COL3A1: variants seen among roughly 807,000 people sequenced by gnomAD.
The protein encoded by COL3A1 is collagen alpha-1(III) chain.
COL3A1 carries 46 observed loss-of-function variants against 200.9 expected under a neutral mutation model. That is an observed-to-expected ratio of 0.23 (90% CI 0.18 to 0.29). The LOEUF is 0.29. COL3A1 is among the 10% of genes least tolerant of loss of function. The pLI is 1.00. For synonymous variants in COL3A1, 650 were observed against 628.0 expected (o/e 1.03, Z -0.52); for missense variants, 1,367 against 1,917.6 (o/e 0.71, Z 5.36).
chr2:188,980,789 A>G (rs1914037), intron 1 of COL3A1, among the ~76,000 whole-genome samples: 52,579 of 150,792 alleles, frequency 0.35, 10,015 homozygotes, highest in African/African-American at 0.51. Context: ...TTTCCAAACA[A>G]TATCATTTAA....
chr2:189,003,113 T>G (rs923233468), intron 36 of COL3A1, 51 bp downstream of exon 36: 13 of 1,385,328 alleles, frequency 9.4e-6, no homozygotes, highest in East Asian at 5.0e-5. Flanking sequence ...TATCTATCTA[T>G]TGATTATCTG....
In COL3A1 at chr2:189,010,245, A is replaced by T. The variant is rs781206935; in HGVS notation, c.3891A>T (p.Glu1297Asp). The part of the protein sequence containing the change: ...LDAIKVFCNM[E>D]TGETCISANP... Reference sequence around the variant, plus strand: ...CTATCAAGGTATTCTGTAATATGGAAACTGGGGAAACATGCATAAGTGCCA... The same window carrying T: ...CTATCAAGGTATTCTGTAATATGGATACTGGGGAAACATGCATAAGTGCCA... Residue 1297 changes from glutamate to aspartate, a missense_variant, in exon 49 of 51, where the codon GAA becomes GAT. Glu to Asp is a conservative substitution (Grantham distance 45). Around this residue, in one of 5 missense-constraint regions of COL3A1, gnomAD observed 846 missense variants for 1,147.9 expected, o/e 0.74. Coordinates refer to ENST00000304636, the MANE Select transcript of COL3A1 (RefSeq NM_000090.4). The T allele has an allele frequency of 4.3e-6, 7 of 1,614,200 alleles. No individual in the cohort carries two copies. The highest frequency in any genetic ancestry group is 5.9e-6 in the Non-Finnish European group (7 of 1,180,016).
intron 37 of COL3A1, 43 bp from the exon 38 acceptor site, chr2:189,003,691 T>C: frequency 6.3e-7 from 1 of 1,595,516 alleles, no homozygotes; most frequent in Non-Finnish European, 8.6e-7. Context: ...GTACAGTTAT[T>C]TGTTCTACTT....
In COL3A1 at chr2:189,008,968, T is replaced by C. The variant is rs1688657949; in HGVS notation, c.3570T>C (p.Pro1190=). ...HPGQPGPPGP[P]GAPGPCCGGV... ...GGCAACCAGGCCCTCCTGGACCTCC[T>C]GGTGCCCCTGGTCCTTGCTGTGGTG... The change falls in exon 48 of 51, where the codon CCT becomes CCC. Residue 1190 remains proline, a synonymous_variant. Transcript: ENST00000304636. 5 of 1,614,180 alleles carry C rather than the reference T, an allele frequency of 3.1e-6. No homozygotes were observed. The African/African-American group carries it at 6.7e-5, about 22-fold the overall frequency.
rs41272799 is a variant in COL3A1, at chr2:188,988,146, C to T, written c.582+12C>T. The T allele has an allele frequency of 5.0e-6, 8 of 1,608,874 alleles. No individual in the cohort carries two copies. In the Admixed American group the frequency reaches 1.0e-4, roughly 20 times the overall value. ...ATCCTGGTTCCCCTGTAAGTATAGC[C>T]ATTGGTGGTGTTTTCTTCCTCATTT... On this transcript the variant is annotated intron_variant, in intron 6 of 50. Transcript: ENST00000304636.
At chr2:188,996,303 T>TAA in intron 23 of COL3A1, 95 bp from the exon 24 acceptor site, 1 of 775,120 alleles carries the variant, frequency 1.3e-6, no homozygotes, top group Non-Finnish European at 2.1e-6. Flanking sequence ...TATCTATATA[T>TAA]ATACACACAC....
At chr2:188,988,886 G>C (rs1373966460) in intron 7 of COL3A1, among the ~76,000 whole-genome samples, 2 of 151,812 alleles carry the variant, frequency 1.3e-5, no homozygotes, top group East Asian at 1.9e-4. Flanking sequence ...TCCCAGAGCT[G>C]ATAAAAATTC....
Position 188,994,944 on chromosome 2 carries a change from T to C in COL3A1, c.1456-102T>C. On this transcript the variant is annotated intron_variant, in intron 20 of 50. Coordinates refer to ENST00000304636, the MANE Select transcript of COL3A1 (RefSeq NM_000090.4). This position sits in a 1 kb window ranked among gnomAD's most constrained non-coding sequence, Gnocchi z 4.5. ...TTAAGTTGAGTGTTCAGTGAAAATA[T>C]TGTTTAAAGCATTCTATGACATAAA... 6.4e-7 allele frequency: 1 copy of C among 1,551,394 alleles called. No homozygotes were observed. The highest frequency in any genetic ancestry group is 8.9e-7 in the Non-Finnish European group (1 of 1,123,524).
chr2:189,004,065 C>T lies in COL3A1; in HGVS notation c.2745C>T (p.Gly915=), dbSNP rs745940162. ...CTGCGGGTAACACTGGTGCTCCTGG[C>T]AGCCCTGGAGTGTCTGGACCAAAAG... ...PGPAGNTGAP[G]SPGVSGPKGD... is the part of the protein sequence containing the mutation. The change falls in exon 39 of 51, where the codon GGC becomes GGT. Residue 915 remains glycine, a synonymous_variant. Transcript: ENST00000304636. 5 of 1,613,318 alleles carry T rather than the reference C, an allele frequency of 3.1e-6. No individual in the cohort carries two copies. Among genetic ancestry groups the T allele is most frequent in the Non-Finnish European group, 1.7e-6 (2 of 1,179,958 alleles).
At chr2:188,981,088 T>TA (rs1559051354) in intron 1 of COL3A1, among the ~76,000 whole-genome samples, 1 of 151,436 alleles carries the variant, frequency 6.6e-6, no homozygotes, top group Admixed American at 6.6e-5. Context: ...AAACATAACA[T>TA]TCATTTTTTG....
In COL3A1 at chr2:188,995,643, G is replaced by A. The variant is rs538447544; in HGVS notation, c.1510-49G>A. On this transcript the variant is annotated intron_variant, in intron 21 of 50. Transcript: ENST00000304636. Reference sequence around the variant, plus strand: ...GTAACCAAAATATTGTTGCTATCTAGGTTAGTGAAGGCTATTTTAATTTTT... The same window carrying A: ...GTAACCAAAATATTGTTGCTATCTAAGTTAGTGAAGGCTATTTTAATTTTT... 4.7e-6 allele frequency: 6 copies of A among 1,273,386 alleles called. No homozygotes were observed. In the African/African-American group the frequency reaches 5.9e-5, roughly 13 times the overall value. 78.9% of individuals were successfully genotyped at this position (1,273,386 alleles called of 1,614,324 possible). A position where few individuals can be genotyped will look rare whatever the true frequency, so the allele number is the denominator to read the frequency against.
intron 26 of COL3A1, 123 bp from the exon 27 acceptor site, chr2:188,997,577 C>A: frequency 8.4e-7 from 1 of 1,184,760 alleles, no homozygotes; most frequent in Non-Finnish European, 1.2e-6. Flanking sequence ...TGCTTTGGGT[C>A]CAGGTCCTCC....
In COL3A1 at chr2:189,010,291, A is replaced by C. The variant is rs886038983; in HGVS notation, c.3937A>C (p.Lys1313Gln). 6.8e-6 allele frequency: 11 copies of C among 1,614,086 alleles called. No individual in the cohort carries two copies. Among genetic ancestry groups the C allele is most frequent in the Non-Finnish European group, 9.3e-6 (11 of 1,180,010 alleles). The part of the protein sequence containing the change: ...ISANPLNVPR[K>Q]HWWTDSSAEK... The stretch of plus-strand genomic sequence containing the variant: ...TGCCAATCCTTTGAATGTTCCACGG[A>C]AACACTGGTGGACAGATTCTAGTGC... Residue 1313 changes from lysine (K) to glutamine (Q), a missense_variant, in exon 49 of 51, where the codon AAA becomes CAA. Lys to Gln is a moderately conservative substitution (Grantham distance 53, BLOSUM62 1). Around this residue, in one of 5 missense-constraint regions of COL3A1, gnomAD observed 846 missense variants for 1,147.9 expected, o/e 0.74. Coordinates refer to ENST00000304636, the MANE Select transcript of COL3A1 (RefSeq NM_000090.4).
Position 189,010,722 on chromosome 2 carries a change from C to T in COL3A1, c.4086C>T (p.Ser1362=), listed in dbSNP as rs779774302. Residue 1362 remains serine (S), a synonymous_variant, in exon 50 of 51, where the codon AGC becomes AGT. Coordinates refer to ENST00000304636, the MANE Select transcript of COL3A1 (RefSeq NM_000090.4). The part of the protein sequence containing the change: ...VHLAFLRLLS[S]RASQNITYHC... The stretch of plus-strand genomic sequence containing the variant: ...TGGCATTCCTTCGACTTCTCTCCAG[C>T]CGAGCTTCCCAGAACATCACATATC... 51 of 1,614,002 alleles carry T rather than the reference C, an allele frequency of 3.2e-5. No individual in the cohort carries two copies. In the African/African-American group the frequency reaches 4.8e-4, roughly 15 times the overall value.
At position 188,993,381 on chromosome 2, in the gene COL3A1, G is replaced by C. The variant is rs373908002; in HGVS notation, c.1071G>C (p.Gly357=). ...PGAKGEVGPA[G]SPGSNGAPGQ... ...ATTAGGGTGAAGTTGGACCTGCAGG[G>C]TCTCCTGGTTCAAATGGTGCCCCTG... Residue 357 remains glycine (G), a synonymous_variant, in exon 16 of 51, where the codon GGG becomes GGC. Coordinates refer to ENST00000304636, the MANE Select transcript of COL3A1 (RefSeq NM_000090.4). 15 of 1,570,664 alleles carry C rather than the reference G, an allele frequency of 9.6e-6. No individual in the cohort carries two copies. In the South Asian group the frequency reaches 1.8e-4, roughly 18 times the overall value.
At chr2:188,992,639 G>A (rs574909467) in intron 14 of COL3A1, among the ~76,000 whole-genome samples, 2 of 152,132 alleles carry the variant, frequency 1.3e-5, no homozygotes, top group South Asian at 4.2e-4. Context: ...AAAAGCCCAG[G>A]GAAAAGTAGC....
At position 188,994,019 on chromosome 2, in the gene COL3A1, C is replaced by T. The variant is rs1259944548; in HGVS notation, c.1150-19C>T. On this transcript the variant is annotated intron_variant, in intron 16 of 50. Coordinates refer to ENST00000304636, the MANE Select transcript of COL3A1 (RefSeq NM_000090.4). This position sits in a 1 kb window ranked among gnomAD's most constrained non-coding sequence, Gnocchi z 4.5. ...ATTTGCATTACTATTAATACATTAT[C>T]TGTTTTTTGTATACTTAGGGCCCTC... 2.7e-5 allele frequency: 44 copies of T among 1,610,790 alleles called. No homozygotes were observed. Among genetic ancestry groups the T allele is most frequent in the Non-Finnish European group, 3.7e-5 (43 of 1,177,300 alleles).
Position 188,995,104 on chromosome 2 carries a change from A to G in COL3A1, c.1509+5A>G, listed in dbSNP as rs572863064. 78 of 1,613,996 alleles carry G rather than the reference A, an allele frequency of 4.8e-5. 1 individual carries two copies. The South Asian group carries it at 8.1e-4, about 17-fold the overall frequency. On this transcript the variant is annotated splice_donor_5th_base_variant and intron_variant, in intron 21 of 50. Transcript: ENST00000304636. ...AATGGCATCCCAGGAGAAAAGGTAG[A>G]TAACTTTAGTTTCTATGTTCCTAAA...
chr2:188,992,794 C>A (rs565578050), intron 14 of COL3A1, 93 bp from the exon 15 acceptor site: 2 of 969,740 alleles, frequency 2.1e-6, no homozygotes, highest in African/African-American at 3.2e-5. Context: ...GCATAAATAT[C>A]TTCTTTACTT....
Sources: gnomAD v4.1 joint callset for allele counts (sites outside exome capture counted in the v4.1 genomes callset) on GRCh38, gnomAD v4.1.1 for gene constraint, gnomAD v4.1.1 regional missense constraint, Gnocchi (gnomAD v3.1) non-coding constraint, MANE v1.5 for transcripts, NCBI Gene and HGNC (gene_info 2026-07-23, HGNC 2026-07-21) for gene names.